Variants in ANKRD65 observed in about 807,000 individuals in gnomAD.
ANKRD65 encodes ankyrin repeat domain 65, also known as ankyrin repeat domain-containing protein 65.
Under a neutral mutation model 17.2 loss-of-function variants are expected in ANKRD65, and 26 were observed. The ratio of observed to expected loss-of-function variants is 1.51; its 90% CI spans 1.11 to 2.09. The LOEUF (loss-of-function observed/expected upper bound fraction) is 2.09. Among genes scored for constraint, ANKRD65 ranks in the 30% most tolerant of loss-of-function variants. The pLI is 0.00. For synonymous variants in ANKRD65, 311 were observed against 272.2 expected (o/e 1.14, Z -1.40); for missense variants, 621 against 542.2 (o/e 1.15, Z -1.44).
rs751226837 is a variant in ANKRD65 at position 1,419,369 on chromosome 1, G to C, written c.931C>G (p.Arg311Gly). 2 of 1,550,130 alleles carry C rather than the reference G, an allele frequency of 1.3e-6. No individual in the cohort carries two copies. The highest frequency in any genetic ancestry group is 1.2e-5 in the South Asian group (1 of 84,038). ...CCGGCAACCTCCACGTGGCCTTCCC[G>C]AGAGGCGTGATGCAGGGGTGTGAGG... The part of the protein sequence containing the change: ...LGLTPLHHAS[R>G]EGHVEVAGCL... Residue 311 changes from arginine to glycine, a missense_variant, in exon 4 of 4, where the codon CGG becomes GGG. Coordinates refer to ENST00000537107, the MANE Select transcript of ANKRD65 (RefSeq NM_001145210.3).
At position 1,420,287 on chromosome 1, in the gene ANKRD65, G is replaced by C; in HGVS notation, c.515C>G (p.Ala172Gly). The C allele has an allele frequency of 4.8e-6, 5 of 1,035,202 alleles. No individual in the cohort carries two copies. The highest frequency in any genetic ancestry group is 5.8e-6 in the Non-Finnish European group (5 of 865,642). 64.1% of individuals were successfully genotyped at this position (1,035,202 alleles called of 1,614,324 possible). A position where few individuals can be genotyped will look rare whatever the true frequency, so the allele number is the denominator to read the frequency against. Residue 172 changes from alanine to glycine, a missense_variant, in exon 3 of 4, where the codon GCG becomes GGG. Coordinates refer to ENST00000537107, the MANE Select transcript of ANKRD65 (RefSeq NM_001145210.3). Reference protein sequence around the residue: ...APGPGPAAAEAEDARGWTAAH... With the variant: ...APGPGPAAAEGEDARGWTAAH... ...CGCCGTCCAGCCGCGCGCGTCCTCC[G>C]CCTCCGCTGCCGCGGGTCCCGGGCC...
chr1:1,420,290 TC>T lies in ANKRD65; in HGVS notation c.511del (p.Glu171ArgfsTer76). On this transcript the variant is annotated frameshift_variant, in exon 3 of 4. Coordinates refer to ENST00000537107, the MANE Select transcript of ANKRD65 (RefSeq NM_001145210.3). LOFTEE classifies it high-confidence loss of function. ...EAPGPGPAAAEAEDARGWTAA... is the reference protein window; with the variant it reads ...EAPGPGPAAAXAEDARGWTAA... ...CGTCCAGCCGCGCGCGTCCTCCGCC[TC>T]CGCTGCCGCGGGTCCCGGGCCCGGA... 1 of 1,040,474 alleles carries T rather than the reference TC, an allele frequency of 9.6e-7. No individual in the cohort carries two copies. Among genetic ancestry groups the T allele is most frequent in the Non-Finnish European group, 1.2e-6 (1 of 869,142 alleles). 64.5% of individuals were successfully genotyped at this position (1,040,474 alleles called of 1,614,324 possible).
intron 2 of ANKRD65, 28 bp from the exon 3 acceptor site, chr1:1,420,620 G>A (rs1171108570): frequency 7.1e-7 from 1 of 1,418,158 alleles, no homozygotes; most frequent in African/African-American, 1.4e-5. Context: ...GCGTCGGCGC[G>A]GGGGTGGACC....
In ANKRD65 at chr1:1,419,227, C is replaced by T. The variant is rs1275790553; in HGVS notation, c.1073G>A (p.Gly358Glu). 5 of 1,550,302 alleles carry T rather than the reference C, an allele frequency of 3.2e-6. No homozygotes were observed. Among genetic ancestry groups the T allele is most frequent in the South Asian group, 1.2e-5 (1 of 84,058 alleles). The change falls in exon 4 of 4, where the codon GGG becomes GAG. Residue 358 changes from glycine (G) to glutamate (E), a missense_variant. Transcript: ENST00000537107. ...CTGCGTCCGCAGAGTGGGGCTGGCC[C>T]CTCGGCTCAGCAGAAGCCCCACGGT... ...GPTVGLLLSR[G>E]ASPTLRTQWA...
rs761573390 is a variant in ANKRD65, at chr1:1,419,480, G to A, written c.820C>T (p.His274Tyr). The A allele has an allele frequency of 1.3e-6, 2 of 1,546,876 alleles. No individual in the cohort carries two copies. Among genetic ancestry groups the A allele is most frequent in the South Asian group, 2.4e-5 (2 of 84,016 alleles). The change falls in exon 4 of 4, where the codon CAC (histidine) becomes TAC (tyrosine). Residue 274 changes from histidine to tyrosine, a missense_variant. By Grantham distance (83) the His-to-Tyr change is moderately conservative. Transcript: ENST00000537107. ...IRDRHGRSAL[H>Y]RAAARGHLLA... ...AGGTGTCCTCGGGCGGCAGCCCTGT[G>A]CAGCGCAGAGCGGCCATGCCTGTCC...
chr1:1,420,699 C>A, intron 2 of ANKRD65, 98 bp downstream of exon 2: 2 of 1,437,094 alleles, frequency 1.4e-6, no homozygotes, highest in South Asian at 2.8e-5. Flanking sequence ...CCCGTCCTAC[C>A]CCATCCAGAG....
chr1:1,419,640 T>A (rs190884669), intron 3 of ANKRD65, 91 bp from the exon 4 acceptor site: 19,438 of 1,229,630 alleles, frequency 0.016, 216 homozygotes, highest in South Asian at 0.028. Context: ...GCCTCTTCTG[T>A]CCCCGCAGCG....
rs1470296213 is a variant in ANKRD65 at position 1,420,813 on chromosome 1, C to A, written c.193G>T (p.Ala65Ser). 6.5e-7 allele frequency: 1 copy of A among 1,548,108 alleles called. No homozygotes were observed. Among genetic ancestry groups the A allele is most frequent in the Non-Finnish European group, 8.7e-7 (1 of 1,146,620 alleles). Residue 65 changes from alanine to serine, a missense_variant, in exon 2 of 4, where the codon GCC (alanine) becomes TCC (serine). Coordinates refer to ENST00000537107, the MANE Select transcript of ANKRD65 (RefSeq NM_001145210.3). ...CAGGTGCACCTCTCCTCCACGCTGG[C>A]ACCTTGCCGCAGCAGCTGCGTCACC... ...GLVTQLLRQG[A>S]SVEERDHAGR...
chr1:1,420,108 G>C lies in ANKRD65; in HGVS notation c.694C>G (p.Arg232Gly). The C allele has an allele frequency of 7.8e-7, 1 of 1,274,610 alleles. No homozygotes were observed. The highest frequency in any genetic ancestry group is 9.9e-7 in the Non-Finnish European group (1 of 1,012,604). 79.0% of individuals were successfully genotyped at this position (1,274,610 alleles called of 1,614,324 possible). A position where few individuals can be genotyped will look rare whatever the true frequency, so the allele number is the denominator to read the frequency against. ...AGCGCTGTGGCCCCCGCGCCATCCC[G>C]GGCGTCCACCCGCGCCCCGCGCGCC... Reference protein sequence around the residue: ...LLARGARVDARDGAGATALGL... With the variant: ...LLARGARVDAGDGAGATALGL... Residue 232 changes from arginine (R) to glycine (G), a missense_variant, in exon 3 of 4, where the codon CGG (arginine) becomes GGG (glycine). Arg to Gly is a moderately radical substitution (Grantham distance 125, BLOSUM62 -2). Coordinates refer to ENST00000537107, the MANE Select transcript of ANKRD65 (RefSeq NM_001145210.3).
At position 1,420,039 on chromosome 1, in the gene ANKRD65, G is replaced by A; in HGVS notation, c.750+13C>T. 1 of 1,270,294 alleles carries A rather than the reference G, an allele frequency of 7.9e-7. No homozygotes were observed. Among genetic ancestry groups the A allele is most frequent in the East Asian group, 3.2e-5 (1 of 30,940 alleles). The allele number at this position is 1,270,294 out of a possible 1,614,324, so 78.7% of individuals were successfully genotyped here. On this transcript the variant is annotated intron_variant, in intron 3 of 3. Coordinates refer to ENST00000537107, the MANE Select transcript of ANKRD65 (RefSeq NM_001145210.3). ...CCCCCTCCCATCACTGCCGGGCGGA[G>A]GGCGGGACGTACCTGGGAGCGGCCT...
chr1:1,420,060 G>A lies in ANKRD65; in HGVS notation c.742C>T (p.Arg248Cys), dbSNP rs1645517991. 1.6e-6 allele frequency: 2 copies of A among 1,277,646 alleles called. No individual in the cohort carries two copies. The highest frequency in any genetic ancestry group is 2.0e-6 in the Non-Finnish European group (2 of 1,012,950). The allele number at this position is 1,277,646 out of a possible 1,614,324, so 79.1% of individuals were successfully genotyped here. Residue 248 changes from arginine (R) to cysteine (C), a missense_variant, in exon 3 of 4, where the codon CGC (arginine) becomes TGC (cysteine). Transcript: ENST00000537107. ...CGGAGGGCGGGACGTACCTGGGAGC[G>A]GCCTAGGGCGGCCGCCAGACCCAGC... ...TALGLAAALG[R>C]SQDIEVLLGH... is the part of the protein sequence containing the mutation.
In ANKRD65 at chr1:1,420,459, C is replaced by A; in HGVS notation, c.343G>T (p.Ala115Ser). 7.7e-7 allele frequency: 1 copy of A among 1,302,028 alleles called. No individual in the cohort carries two copies. Among genetic ancestry groups the A allele is most frequent in the Non-Finnish European group, 9.7e-7 (1 of 1,030,714 alleles). The allele number at this position is 1,302,028 out of a possible 1,614,324, so 80.7% of individuals were successfully genotyped here. Reference protein sequence around the residue: ...RAGRTALHEAAWHGHSRVAEL... With the variant: ...RAGRTALHEASWHGHSRVAEL... ...GCCACCCGCGAGTGTCCGTGCCAGG[C>A]GGCCTCGTGCAGCGCGGTGCGCCCC... is the stretch of plus-strand genomic sequence containing the variant. The change falls in exon 3 of 4, where the codon GCC (alanine) becomes TCC (serine). Residue 115 changes from alanine to serine, a missense_variant. By Grantham distance (99) the Ala-to-Ser change is moderately conservative. Coordinates refer to ENST00000537107, the MANE Select transcript of ANKRD65 (RefSeq NM_001145210.3).
At chr1:1,419,650 G>T (rs376319801) in intron 3 of ANKRD65, 101 bp from the exon 4 acceptor site, 3 of 1,142,180 alleles carry the variant, frequency 2.6e-6, no homozygotes, top group East Asian at 2.6e-5. Flanking sequence ...TCCCCGCAGC[G>T]GCCTGTCTCT....
Position 1,419,395 on chromosome 1 carries a change from C to T in ANKRD65, c.905G>A (p.Gly302Asp), listed in dbSNP as rs1645502708. 3.9e-6 allele frequency: 6 copies of T among 1,549,884 alleles called. No individual in the cohort carries two copies. The highest frequency in any genetic ancestry group is 5.2e-6 in the Non-Finnish European group (6 of 1,146,818). Residue 302 changes from glycine to aspartate, a missense_variant, in exon 4 of 4, where the codon GGC becomes GAC. Gly to Asp is a moderately conservative substitution (Grantham distance 94, BLOSUM62 -1). Coordinates refer to ENST00000537107, the MANE Select transcript of ANKRD65 (RefSeq NM_001145210.3). Reference protein sequence around the residue: ...GAEVDARDTLGLTPLHHASRE... With the variant: ...GAEVDARDTLDLTPLHHASRE... ...AGAGGCGTGATGCAGGGGTGTGAGG[C>T]CCAGGGTGTCCCGCGCATCCACCTC...
rs1315204609 is a variant in ANKRD65 at position 1,420,116 on chromosome 1, A to ACCCGCGC, written c.679_685dup (p.Val229GlyfsTer27). ...GGCCCCCGCGCCATCCCGGGCGTCC[A>ACCCGCGC]CCCGCGCCCCGCGCGCCAGGAGGAA... On this transcript the variant is annotated frameshift_variant, in exon 3 of 4. Transcript: ENST00000537107. LOFTEE classifies it high-confidence loss of function. 1 of 1,259,576 alleles carries ACCCGCGC rather than the reference A, an allele frequency of 7.9e-7. No homozygotes were observed. Among genetic ancestry groups the ACCCGCGC allele is most frequent in the African/African-American group, 1.6e-5 (1 of 63,414 alleles). The allele number at this position is 1,259,576 out of a possible 1,614,324, so 78.0% of individuals were successfully genotyped here.
At position 1,420,998 on chromosome 1, in the gene ANKRD65, G is replaced by T. The variant is rs1049575103; in HGVS notation, c.8C>A (p.Ser3Tyr). Residue 3 changes from serine (S) to tyrosine (Y), a missense_variant, in exon 2 of 4, where the codon TCC becomes TAC. Transcript: ENST00000537107. ...CTCCTCTCTGGGCTCAGGCCTCTGG[G>T]AGTCCATCTGGGGGGGAGCAGGGAT... is the stretch of plus-strand genomic sequence containing the variant. MD[S>Y]QRPEPREEEE... is the part of the protein sequence containing the mutation. The T allele has an allele frequency of 4.5e-6, 7 of 1,550,240 alleles. No homozygotes were observed. The highest frequency in any genetic ancestry group is 6.1e-6 in the Non-Finnish European group (7 of 1,146,924).
At position 1,419,317 on chromosome 1, in the gene ANKRD65, A is replaced by C. The variant is rs1181232897; in HGVS notation, c.983T>G (p.Val328Gly). ...CTTTCGGAGCCAGCCGGTAGCATCC[A>C]CCTGGGCACCCCTGTCCAGCAGGCA... ...AGCLLDRGAQ[V>G]DATGWLRKTP... Residue 328 changes from valine (V) to glycine (G), a missense_variant, in exon 4 of 4, where the codon GTG (valine) becomes GGG (glycine). Physicochemically the swap from Val to Gly is moderately radical, Grantham distance 109 (BLOSUM62 -3). Transcript: ENST00000537107. 1.3e-6 allele frequency: 2 copies of C among 1,550,234 alleles called. No homozygotes were observed. Among genetic ancestry groups the C allele is most frequent in the South Asian group, 1.2e-5 (1 of 84,056 alleles).
rs539691592 is a variant in ANKRD65 at position 1,420,550 on chromosome 1, C to A, written c.252G>T (p.Arg84=). Residue 84 remains arginine (R), a synonymous_variant, in exon 3 of 4, where the codon CGG becomes CGT. Transcript: ENST00000537107. ...GRTPLHLAVL[R]GHAPLVRLLL... ...GGAGACGCACCAGGGGCGCGTGGCC[C>A]CGCAGCACGGCCAGGTGGAGCGGGG... 6.3e-5 allele frequency: 84 copies of A among 1,330,228 alleles called. No homozygotes were observed. The highest frequency in any genetic ancestry group is 3.5e-5 in the Admixed American group (1 of 28,358). The allele number at this position is 1,330,228 out of a possible 1,614,324, so 82.4% of individuals were successfully genotyped here.
Position 1,420,451 on chromosome 1 carries a change from G to A in ANKRD65, c.351C>T (p.His117=), listed in dbSNP as rs1293608861. The A allele has an allele frequency of 1.3e-5, 17 of 1,316,940 alleles. No homozygotes were observed. In the East Asian group the frequency reaches 3.3e-4, roughly 26 times the overall value. 81.6% of individuals were successfully genotyped at this position (1,316,940 alleles called of 1,614,324 possible). A position where few individuals can be genotyped will look rare whatever the true frequency, so the allele number is the denominator to read the frequency against. The change falls in exon 3 of 4, where the codon CAC becomes CAT. Residue 117 remains histidine, a synonymous_variant. Coordinates refer to ENST00000537107, the MANE Select transcript of ANKRD65 (RefSeq NM_001145210.3). ...GCAGCTCGGCCACCCGCGAGTGTCC[G>A]TGCCAGGCGGCCTCGTGCAGCGCGG... is the stretch of plus-strand genomic sequence containing the variant. ...GRTALHEAAW[H]GHSRVAELLL... is the part of the protein sequence containing the mutation.
Sources: allele counts gnomAD v4.1 joint callset, GRCh38; gene constraint gnomAD v4.1.1; transcripts MANE v1.5; gene names NCBI Gene and HGNC (gene_info 2026-07-23, HGNC 2026-07-21).